The following CWC25 variants were observed in gnomAD, a reference collection of about 807,000 sequenced individuals.
The protein encoded by CWC25 is CWC25 spliceosome associated protein, also known as pre-mRNA-splicing factor CWC25 homolog.
Under a neutral mutation model 54.6 loss-of-function variants are expected in CWC25, and 31 were observed. The ratio of observed to expected loss-of-function variants is 0.57; its 90% CI spans 0.43 to 0.77. The LOEUF (loss-of-function observed/expected upper bound fraction) is 0.77. CWC25 is among the 30% of genes least tolerant of loss of function. The pLI, the probability that CWC25 is intolerant of heterozygous loss-of-function variation, is 0.00. For missense variants in CWC25, 453 were observed against 529.3 expected (o/e 0.86, Z 1.41); for synonymous variants, 151 against 187.0 (o/e 0.81, Z 1.57).
chr17:38,819,290 C>G (rs1482515962), intron 2 of CWC25, among the ~76,000 whole-genome samples: 2 of 148,424 alleles, frequency 1.3e-5, no homozygotes, highest in Non-Finnish European at 3.0e-5. Context: ...ACTTCCAACT[C>G]CTGAGTTCAA....
rs1911326461 is a variant in CWC25, at chr17:38,808,069, A to AT, written c.691-1094_691-1093insA. The stretch of plus-strand genomic sequence containing the variant: ...AGACTCCATCTCAAAAAAAAAAAAA[A>AT]AAAGAAAAGAAAAGAAAAGAATATA... On this transcript the variant is annotated intron_variant, in intron 6 of 9. Coordinates refer to ENST00000614790, the MANE Select transcript of CWC25 (RefSeq NM_017748.5). 1.6e-5 allele frequency among the ~76,000 whole-genome samples: 2 copies of AT among 123,440 alleles called. 1 individual carries two copies. Among genetic ancestry groups the AT allele is most frequent in the Non-Finnish European group, 3.3e-5 (2 of 60,318 alleles). The allele number at this position is 123,440 out of a possible 152,430, so 81.0% of individuals were successfully genotyped here. A position where few individuals can be genotyped will look rare whatever the true frequency, so the allele number is the denominator to read the frequency against.
At position 38,802,225 on chromosome 17, in the gene CWC25, C is replaced by A. The variant is rs1192114408; in HGVS notation, c.1164-19G>T. The A allele has an allele frequency of 2.0e-6, 3 of 1,536,394 alleles. No homozygotes were observed. Among genetic ancestry groups the A allele is most frequent in the African/African-American group, 1.4e-5 (1 of 73,412 alleles). The stretch of plus-strand genomic sequence containing the variant: ...CATGCGGCTAGGAAGAGAAGACAGG[C>A]AAATGCAAGTCAAAAACATTTTCAA... On this transcript the variant is annotated intron_variant, in intron 9 of 9. Transcript: ENST00000614790.
rs201052804 is a variant in CWC25, at chr17:38,802,202, T to C, written c.1168A>G (p.Met390Val). Residue 390 changes from methionine (M) to valine (V), a missense_variant, in exon 10 of 10, where the codon ATG (methionine) becomes GTG (valine). Coordinates refer to ENST00000614790, the MANE Select transcript of CWC25 (RefSeq NM_017748.5). ...DSRDGKFIHR[M>V]KLESASTSSL... ...GAAGTAGATGCACTCTCCAGCTTCA[T>C]GCGGCTAGGAAGAGAAGACAGGCAA... is the stretch of plus-strand genomic sequence containing the variant. 1.2e-6 allele frequency: 2 copies of C among 1,610,020 alleles called. No individual in the cohort carries two copies. Among genetic ancestry groups the C allele is most frequent in the Non-Finnish European group, 1.7e-6 (2 of 1,176,858 alleles).
chr17:38,807,359 A>AGGAAATG lies in CWC25; in HGVS notation c.691-390_691-384dup, dbSNP rs932129340. 5.1e-5 allele frequency among the ~76,000 whole-genome samples: 7 copies of AGGAAATG among 138,356 alleles called. 1 individual carries two copies. Among genetic ancestry groups the AGGAAATG allele is most frequent in the African/African-American group, 1.8e-4 (7 of 38,224 alleles). 90.8% of individuals were successfully genotyped at this position (138,356 alleles called of 152,430 possible). ...AAAAAAAAAGAAAAGGCAGTGAAAC[A>AGGAAATG]GGAAATGTTACATAAGGAGCTCACT... On this transcript the variant is annotated intron_variant, in intron 6 of 9. Transcript: ENST00000614790.
intron 2 of CWC25, among the ~76,000 whole-genome samples, chr17:38,820,127 G>A (rs965659339): frequency 1.3e-5 from 2 of 152,084 alleles, no homozygotes; most frequent in African/African-American, 4.8e-5. Context: ...CAGAGATGGA[G>A]CCTCACTACA....
intron 2 of CWC25, among the ~76,000 whole-genome samples, chr17:38,817,686 C>T (rs1416389183): frequency 6.6e-6 from 1 of 152,010 alleles, no homozygotes; most frequent in Non-Finnish European, 1.5e-5. Context: ...ACTCGGGAGG[C>T]TGAAGCAGGA....
chr17:38,822,263 A>G (rs1400268929), intron 1 of CWC25, among the ~76,000 whole-genome samples: 2 of 151,830 alleles, frequency 1.3e-5, no homozygotes, highest in Non-Finnish European at 2.9e-5. Flanking sequence ...GGGTTTCTCT[A>G]TGTTGGTCAG....
At position 38,800,560 on chromosome 17, in the gene CWC25, G is replaced by A. The variant is rs190953252; in HGVS notation, c.*1532C>T. The A allele has an allele frequency of 3.9e-5, 6 of 152,352 alleles. No homozygotes were observed. Among genetic ancestry groups the A allele is most frequent in the Admixed American group, 3.3e-4 (5 of 15,308 alleles). The allele number at this position is 152,352 out of a possible 1,614,324, so 9.4% of individuals were successfully genotyped here. A position where few individuals can be genotyped will look rare whatever the true frequency, so the allele number is the denominator to read the frequency against. The stretch of plus-strand genomic sequence containing the variant: ...ACGTATGTTACATTCTCTAGGGAAA[G>A]ATCGGGTTTCAAGCATTACAGTGCC... On this transcript the variant is annotated 3_prime_UTR_variant, in exon 10 of 10. Coordinates refer to ENST00000614790, the MANE Select transcript of CWC25 (RefSeq NM_017748.5).
rs370149960 is a variant in CWC25, at chr17:38,820,915, A to G, written c.177T>C (p.Asp59=). 5.4e-4 allele frequency: 865 copies of G among 1,611,396 alleles called. 1 individual carries two copies. The highest frequency in any genetic ancestry group is 6.8e-4 in the Non-Finnish European group (805 of 1,179,080). ...AREEMQRYAE[D]VGAVKKKEEK... Reference sequence around the variant, plus strand: ...TCCTCACTTACTTGACGGCCCCAACATCCTCCGCATAGCGCTGCATCTCTT... The same window carrying G: ...TCCTCACTTACTTGACGGCCCCAACGTCCTCCGCATAGCGCTGCATCTCTT... Residue 59 remains aspartate, a synonymous_variant, in exon 2 of 10, where the codon GAT becomes GAC. Coordinates refer to ENST00000614790, the MANE Select transcript of CWC25 (RefSeq NM_017748.5).
chr17:38,824,443 C>G (rs1364377064), intron 1 of CWC25, among the ~76,000 whole-genome samples: 1 of 151,968 alleles, frequency 6.6e-6, no homozygotes, highest in African/African-American at 2.4e-5. Flanking sequence ...TCCTAGCACT[C>G]TGGGAGGCCG....
intron 6 of CWC25, among the ~76,000 whole-genome samples, chr17:38,808,104 G>C (rs1911329466): frequency 7.3e-6 from 1 of 137,248 alleles, no homozygotes. Flanking sequence ...ACCTGGCTTG[G>C]CTGGGTGCAG....
chr17:38,811,572 A>T (rs1438519060), intron 4 of CWC25, among the ~76,000 whole-genome samples: 7 of 149,650 alleles, frequency 4.7e-5, no homozygotes, highest in Non-Finnish European at 1.0e-4. Context: ...GATTACTGAG[A>T]CCCCTATCAG....
At chr17:38,805,502 T>G (rs1202974897) in intron 8 of CWC25, among the ~76,000 whole-genome samples, 2 of 152,088 alleles carry the variant, frequency 1.3e-5, no homozygotes, top group Non-Finnish European at 2.9e-5. Flanking sequence ...TTTGTAGAGA[T>G]AGTGTCTTAT....
rs369708123 is a variant in CWC25 at position 38,820,879 on chromosome 17, G to A, written c.191+22C>T. On this transcript the variant is annotated intron_variant, in intron 2 of 9. Transcript: ENST00000614790. ...GCTCTGCAATTCCCTACACACAAGC[G>A]CACCCCCAGCTCCTCACTTACTTGA... 6.4e-5 allele frequency: 103 copies of A among 1,600,234 alleles called. No homozygotes were observed. In the East Asian group the frequency reaches 8.5e-4, roughly 13 times the overall value.
chr17:38,809,809 T>A, intron 5 of CWC25, 44 bp from the exon 6 acceptor site: 1 of 1,546,734 alleles, frequency 6.5e-7, no homozygotes, highest in Non-Finnish European at 8.9e-7. Context: ...AGAAAATATA[T>A]ATAGGTCCAA....
Position 38,807,063 on chromosome 17 carries a change from T to C in CWC25, c.691-87A>G, listed in dbSNP as rs1488599676. ...GCGGCCGGGCTCAGTGGCTCACGCCTGTAATCCCAGCACTTTGGGAGGCCG... is the reference window on the plus strand; with the variant it reads ...GCGGCCGGGCTCAGTGGCTCACGCCCGTAATCCCAGCACTTTGGGAGGCCG... On this transcript the variant is annotated intron_variant, in intron 6 of 9. Coordinates refer to ENST00000614790, the MANE Select transcript of CWC25 (RefSeq NM_017748.5). The C allele has an allele frequency of 8.5e-6, 9 of 1,057,664 alleles. 1 individual carries two copies. The highest frequency in any genetic ancestry group is 7.5e-5 in the East Asian group (3 of 39,944). 65.5% of individuals were successfully genotyped at this position (1,057,664 alleles called of 1,614,324 possible).
chr17:38,803,450 G>T (rs1225769721), intron 8 of CWC25, among the ~76,000 whole-genome samples: 1 of 151,322 alleles, frequency 6.6e-6, no homozygotes, highest in South Asian at 2.1e-4. Flanking sequence ...GCCAACATGG[G>T]GAAACCCTGT....
At chr17:38,818,073 C>T (rs1297481169) in intron 2 of CWC25, among the ~76,000 whole-genome samples, 1 of 149,908 alleles carries the variant, frequency 6.7e-6, no homozygotes, top group Non-Finnish European at 1.5e-5. Context: ...GTCAGGAGTT[C>T]AAGACTAGCC....
intron 8 of CWC25, 46 bp downstream of exon 8, chr17:38,806,251 A>T: frequency 6.6e-7 from 1 of 1,504,200 alleles, no homozygotes; most frequent in Non-Finnish European, 9.1e-7. Flanking sequence ...CCCCTTCTAG[A>T]TTCAGGCCTG....
Sources: gnomAD v4.1 joint callset for allele counts (sites outside exome capture counted in the v4.1 genomes callset) on GRCh38, gnomAD v4.1.1 for gene constraint, MANE v1.5 for transcripts, NCBI Gene and HGNC (gene_info 2026-07-23, HGNC 2026-07-21) for gene names.